PLEKHB2: variants seen among roughly 807,000 people sequenced by gnomAD.
The protein encoded by PLEKHB2 is pleckstrin homology domain-containing family B member 2.
A neutral mutation model predicts 36.5 loss-of-function variants in PLEKHB2; 31 were observed. That is an observed-to-expected ratio of 0.85 (90% CI 0.64 to 1.15). The LOEUF is 1.15. Among genes scored for constraint, PLEKHB2 ranks in the 50% most tolerant of loss-of-function variants. The pLI is 0.00. For synonymous variants in PLEKHB2, 119 were observed against 112.0 expected (o/e 1.06, Z -0.39); for missense variants, 262 against 295.3 (o/e 0.89, Z 0.83).
chr2:131,107,988 T>C (rs1694909048), intron 1 of PLEKHB2: 1 of 152,252 alleles, frequency 6.6e-6, no homozygotes, highest in South Asian at 2.1e-4. Flanking sequence ...GACCATCTAC[T>C]ACAGGGCTGT....
chr2:131,129,009 C>T (rs1180955722), intron 4 of PLEKHB2, among the ~76,000 whole-genome samples: 4 of 152,228 alleles, frequency 2.6e-5, no homozygotes, highest in Admixed American at 2.0e-4. Context: ...AATTTTGCAA[C>T]TTAACTGCAT....
At position 131,110,368 on chromosome 2, in the gene PLEKHB2, G is replaced by A. The variant is rs1175620224; in HGVS notation, c.-9+4970G>A. ...GTCCTTCTGCACAGCTGCCTTTCTGGGAATTTCCTCCCCTGCCAGTTGAAG... is the reference window on the plus strand; with the variant it reads ...GTCCTTCTGCACAGCTGCCTTTCTGAGAATTTCCTCCCCTGCCAGTTGAAG... On this transcript the variant is annotated intron_variant, in intron 1 of 7. Transcript: ENST00000693505. Among the ~76,000 whole-genome samples, 9 of 150,074 alleles carry A rather than the reference G, an allele frequency of 6.0e-5. No individual in the cohort carries two copies. In the East Asian group the frequency reaches 1.8e-3, roughly 29 times the overall value.
In PLEKHB2 at chr2:131,140,426, A is replaced by G. The variant is rs1698671658; in HGVS notation, c.532+151A>G. ...AATCACTCTGTTACTATGCTTTAAG[A>G]AAGCCTTTGGTAGTTTCATACTGCT... On this transcript the variant is annotated intron_variant, in intron 7 of 7. Transcript: ENST00000693505. 5.2e-6 allele frequency: 3 copies of G among 572,950 alleles called. No homozygotes were observed. In the South Asian group the frequency reaches 6.8e-5, roughly 13 times the overall value. The allele number at this position is 572,950 out of a possible 1,614,324, so 35.5% of individuals were successfully genotyped here.
chr2:131,117,912 T>C lies in PLEKHB2; in HGVS notation c.-8-3022T>C, dbSNP rs971851732. Among the ~76,000 whole-genome samples the C allele has an allele frequency of 3.3e-5, 5 of 152,334 alleles. No individual in the cohort carries two copies. The South Asian group carries it at 6.2e-4, about 19-fold the overall frequency. On this transcript the variant is annotated intron_variant, in intron 1 of 7. Transcript: ENST00000693505. ...ACAAGTAAGGTGTTCTAAGAATATT[T>C]AATGAAAATATGATGCTGGTAGTTC...
intron 4 of PLEKHB2, among the ~76,000 whole-genome samples, chr2:131,130,192 C>T (rs1041566537): frequency 1.8e-4 from 27 of 151,904 alleles, no homozygotes; most frequent in African/African-American, 6.5e-4. Context: ...TGCAGGCATG[C>T]GCCACCATGC....
chr2:131,137,166 C>G (rs1698349185), intron 6 of PLEKHB2, among the ~76,000 whole-genome samples: 1 of 149,056 alleles, frequency 6.7e-6, no homozygotes, highest in African/African-American at 2.6e-5. Flanking sequence ...CCAGGACGGT[C>G]TCGATCTCCT....
chr2:131,127,358 A>T (rs1232031471), intron 4 of PLEKHB2, among the ~76,000 whole-genome samples: 1 of 152,164 alleles, frequency 6.6e-6, no homozygotes, highest in African/African-American at 2.4e-5. Flanking sequence ...CTGTTGTCAC[A>T]TGGCCTTCTT....
rs112785029 is a variant in PLEKHB2, at chr2:131,147,121, A to G, written c.*348A>G. On this transcript the variant is annotated 3_prime_UTR_variant, in exon 8 of 8. Transcript: ENST00000693505. ...TTTATTTTCATGTTATGCCAGTAAT[A>G]TAGTGTTGTATGCCTATTGAGTGAT... is the stretch of plus-strand genomic sequence containing the variant. The G allele has an allele frequency of 0.02, 3,341 of 167,386 alleles. 124 individuals are homozygous for G. The highest frequency in any genetic ancestry group is 0.074 in the African/African-American group (3,141 of 42,236). The allele number at this position is 167,386 out of a possible 1,614,324, so 10.4% of individuals were successfully genotyped here.
intron 5 of PLEKHB2, among the ~76,000 whole-genome samples, chr2:131,132,553 C>T (rs543242258): frequency 2.6e-5 from 4 of 152,206 alleles, no homozygotes; most frequent in African/African-American, 7.2e-5. Context: ...TCTCACCCAG[C>T]CTCCCCAAAG....
At position 131,149,750 on chromosome 2, in the gene PLEKHB2, T is replaced by C. The variant is rs936943588; in HGVS notation, c.*2977T>C. ...GATTGCTTTCCCGTCTCTAGTAGTATTCTGTTGTGTCTAGAGAACTGATTT... is the reference window on the plus strand; with the variant it reads ...GATTGCTTTCCCGTCTCTAGTAGTACTCTGTTGTGTCTAGAGAACTGATTT... On this transcript the variant is annotated 3_prime_UTR_variant, in exon 8 of 8. Transcript: ENST00000693505. The C allele has an allele frequency of 6.6e-6, 1 of 152,260 alleles. No individual in the cohort carries two copies. The highest frequency in any genetic ancestry group is 1.9e-4 in the East Asian group (1 of 5,200). 9.4% of individuals were successfully genotyped at this position (152,260 alleles called of 1,614,324 possible).
At chr2:131,105,966 A>G (rs1474443457) in intron 1 of PLEKHB2, among the ~76,000 whole-genome samples, 1 of 151,962 alleles carries the variant, frequency 6.6e-6, no homozygotes, top group Non-Finnish European at 1.5e-5. Context: ...GGGGGCGTTG[A>G]GGCTTTACCC....
chr2:131,118,175 A>G (rs2104816927), intron 1 of PLEKHB2, among the ~76,000 whole-genome samples: 1 of 152,252 alleles, frequency 6.6e-6, no homozygotes. Flanking sequence ...GGCTGCCAGC[A>G]CAGTGAGCAG....
chr2:131,130,288 C>T (rs1242104200), intron 4 of PLEKHB2, among the ~76,000 whole-genome samples: 1 of 152,136 alleles, frequency 6.6e-6, no homozygotes, highest in Non-Finnish European at 1.5e-5. Flanking sequence ...AAGTGATCCC[C>T]CTGCCTTGGC....
chr2:131,112,085 C>G (rs1276086655), intron 1 of PLEKHB2, among the ~76,000 whole-genome samples: 1 of 152,170 alleles, frequency 6.6e-6, no homozygotes, highest in Non-Finnish European at 1.5e-5. Context: ...ATCTGAAACA[C>G]CTATGCGACT....
At chr2:131,127,569 T>C (rs1478875548) in intron 4 of PLEKHB2, among the ~76,000 whole-genome samples, 1 of 152,200 alleles carries the variant, frequency 6.6e-6, no homozygotes, top group East Asian at 1.9e-4. Context: ...ATTGAACCCA[T>C]AATAGAGACT....
At chr2:131,145,143 C>T (rs1699155282) in intron 7 of PLEKHB2, among the ~76,000 whole-genome samples, 1 of 152,044 alleles carries the variant, frequency 6.6e-6, no homozygotes, top group East Asian at 1.9e-4. Context: ...GTTTGTGTGC[C>T]CTTACTGTCC....
intron 2 of PLEKHB2, among the ~76,000 whole-genome samples, chr2:131,124,790 C>CT (rs761840735): frequency 1.0e-3 from 149 of 144,620 alleles, no homozygotes; most frequent in South Asian, 1.1e-3. Flanking sequence ...CGTGTTTTTT[C>CT]TTTTTTTTTT....
rs1318024655 is a variant in PLEKHB2, at chr2:131,132,843, C to T, written c.334-59C>T. The stretch of plus-strand genomic sequence containing the variant: ...GCTAAATAAAAGGGACAATGCACAG[C>T]ATCGAGCACACAGCTGCTGGGAAGC... On this transcript the variant is annotated intron_variant, in intron 5 of 7. Transcript: ENST00000693505. 3.3e-6 allele frequency: 3 copies of T among 918,352 alleles called. No individual in the cohort carries two copies. The African/African-American group carries it at 4.9e-5, about 15-fold the overall frequency. 56.9% of individuals were successfully genotyped at this position (918,352 alleles called of 1,614,324 possible).
intron 1 of PLEKHB2, among the ~76,000 whole-genome samples, chr2:131,110,723 C>T (rs1224404277): frequency 6.6e-6 from 1 of 152,028 alleles, no homozygotes; most frequent in Middle Eastern, 3.4e-3. Context: ...AATAATTTTC[C>T]GTTAGCATTT....
Sources: allele counts gnomAD v4.1 joint callset (sites outside exome capture counted in the v4.1 genomes callset), GRCh38; gene constraint gnomAD v4.1.1; transcripts MANE v1.5; gene names NCBI Gene and HGNC (gene_info 2026-07-23, HGNC 2026-07-21).